The following HERC2 variants were observed in gnomAD, a reference collection of about 807,000 sequenced individuals.
HERC2 encodes E3 ubiquitin-protein ligase HERC2.
In HERC2, 102 loss-of-function variants were observed where a neutral mutation model predicts 537.7. The ratio of observed to expected loss-of-function variants is 0.19; its 90% CI spans 0.16 to 0.22. The LOEUF is 0.22. Among genes scored for constraint, HERC2 ranks in the 10% least tolerant of loss-of-function variants. The pLI, the probability that HERC2 is intolerant of heterozygous loss-of-function variation, is 1.00. For missense variants in HERC2, 4,236 were observed against 6,198.2 expected (o/e 0.68, Z 10.63); for synonymous variants, 2,224 against 2,466.2 (o/e 0.90, Z 2.91).
rs1335259160 is a variant in HERC2, at chr15:28,293,110, C to A, written c.188-88G>T. ...GCAAATGTCCCTCCCCGAAAAGTTA[C>A]AACACACATCATTAACTGAATGTTG... On this transcript the variant is annotated intron_variant, in intron 3 of 92. Coordinates refer to ENST00000261609, the MANE Select transcript of HERC2 (RefSeq NM_004667.6). 9.3e-6 allele frequency: 10 copies of A among 1,080,872 alleles called. 1 individual carries two copies. The Admixed American group carries it at 1.3e-4, about 15-fold the overall frequency. The allele number at this position is 1,080,872 out of a possible 1,614,324, so 67.0% of individuals were successfully genotyped here.
At chr15:28,219,653 C>G (rs1199073811) in intron 37 of HERC2, among the ~76,000 whole-genome samples, 1 of 152,182 alleles carries the variant, frequency 6.6e-6, no homozygotes, top group Non-Finnish European at 1.5e-5. Context: ...ATGGCATAGC[C>G]TCTTCCAGCC....
At chr15:28,173,436 T>G (rs908913487) in intron 65 of HERC2, among the ~76,000 whole-genome samples, 1 of 152,174 alleles carries the variant, frequency 6.6e-6, no homozygotes, top group African/African-American at 2.4e-5. Flanking sequence ...CTCAAAATTA[T>G]TATGCTGAGT....
chr15:28,209,436 C>T lies in HERC2; in HGVS notation c.7069+1566G>A, dbSNP rs375928997. ...TCGCCTCACTGCAAGCTCTGCCTCC[C>T]GAGTTCACACCATTCTCCTGCCTCA... On this transcript the variant is annotated intron_variant, in intron 44 of 92. Transcript: ENST00000261609. Among the ~76,000 whole-genome samples, 39 of 152,130 alleles carry T rather than the reference C, an allele frequency of 2.6e-4. 1 individual carries two copies. Among genetic ancestry groups the T allele is most frequent in the Middle Eastern group, 6.8e-3 (2 of 294 alleles).
chr15:28,316,406 A>C (rs1196653447), intron 2 of HERC2, among the ~76,000 whole-genome samples: 1 of 152,148 alleles, frequency 6.6e-6, no homozygotes, highest in Non-Finnish European at 1.5e-5. Flanking sequence ...TTGGGAGGCC[A>C]AGGCAGGAGG....
intron 14 of HERC2, among the ~76,000 whole-genome samples, chr15:28,263,618 T>C (rs1379141050): frequency 1.3e-5 from 2 of 152,228 alleles, no homozygotes; most frequent in Non-Finnish European, 2.9e-5. Context: ...AGCATAATTA[T>C]GTAAGTTGAT....
intron 55 of HERC2, 196 bp downstream of exon 55, chr15:28,190,769 T>C (rs1365571135): frequency 3.4e-6 from 2 of 582,386 alleles, no homozygotes; most frequent in Admixed American, 6.3e-5. Context: ...TTTGTTTCCT[T>C]TTCAAGCTGA....
At chr15:28,179,097 TGC>T (rs1287447149) in intron 58 of HERC2, 43 bp downstream of exon 58, 1 of 1,598,270 alleles carries the variant, frequency 6.3e-7, no homozygotes, top group African/African-American at 1.4e-5. Flanking sequence ...TGTTTTTTGG[TGC>T]CAAGCATAAT....
intron 2 of HERC2, among the ~76,000 whole-genome samples, chr15:28,318,856 G>A (rs1164701843): frequency 1.3e-5 from 2 of 150,334 alleles, no homozygotes; most frequent in African/African-American, 4.9e-5. Flanking sequence ...AACTTTTAAG[G>A]GCATTTCAAA....
chr15:28,166,981 T>C (rs1257883211), intron 68 of HERC2, among the ~76,000 whole-genome samples: 1 of 152,198 alleles, frequency 6.6e-6, no homozygotes, highest in Non-Finnish European at 1.5e-5. Context: ...GGGAAAGCTG[T>C]CTCTTGCAAA....
rs1038681167 is a variant in HERC2, at chr15:28,268,114, A to G, written c.1598+351T>C. Among the ~76,000 whole-genome samples, 2 of 152,236 alleles carry G rather than the reference A, an allele frequency of 1.3e-5. No individual in the cohort carries two copies. The highest frequency in any genetic ancestry group is 4.8e-5 in the African/African-American group (2 of 41,460). On this transcript the variant is annotated intron_variant, in intron 12 of 92. Transcript: ENST00000261609. This position sits in a 1 kb window ranked among gnomAD's most constrained non-coding sequence, Gnocchi z 4.7. ...TAATATATGGTTCAAGAAAAGGGTG[A>G]CAACCTTATCTATGAGAGACAGGGT...
chr15:28,211,879 T>G (rs1407689148), intron 43 of HERC2, among the ~76,000 whole-genome samples: 12 of 152,154 alleles, frequency 7.9e-5, no homozygotes, highest in Non-Finnish European at 1.5e-4. Context: ...GAATACGCCA[T>G]AGTTACGGGT....
chr15:28,186,213 T>C (rs960357187), intron 56 of HERC2, among the ~76,000 whole-genome samples: 1 of 152,100 alleles, frequency 6.6e-6, no homozygotes, highest in African/African-American at 2.4e-5. Flanking sequence ...AATGATAAAA[T>C]ACTTAACAAA....
chr15:28,249,575 T>C (rs1172093070), intron 20 of HERC2, among the ~76,000 whole-genome samples: 2 of 152,154 alleles, frequency 1.3e-5, no homozygotes, highest in African/African-American at 4.8e-5. Flanking sequence ...AATGTCAGGC[T>C]GTGGGACCAG....
chr15:28,219,898 G>C (rs1900339246), intron 37 of HERC2, among the ~76,000 whole-genome samples: 1 of 152,198 alleles, frequency 6.6e-6, no homozygotes, highest in African/African-American at 2.4e-5. Flanking sequence ...TCCACAGATA[G>C]GATCTAGCTT....
At chr15:28,145,842 G>A (rs1891676265) in intron 71 of HERC2, among the ~76,000 whole-genome samples, 1 of 152,194 alleles carries the variant, frequency 6.6e-6, no homozygotes, top group African/African-American at 2.4e-5. Flanking sequence ...ACATGTGGCT[G>A]CCTCCACCTA....
chr15:28,132,734 G>A lies in HERC2; in HGVS notation c.12327C>T (p.Ala4109=), dbSNP rs754699937. The A allele has an allele frequency of 1.6e-5, 26 of 1,608,444 alleles. No individual in the cohort carries two copies. The South Asian group carries it at 1.7e-4, about 10-fold the overall frequency. The part of the protein sequence containing the change: ...GGAHSACVTA[A]GDLYTWGKGR... ...CTTTGCCCCATGTGTAGAGGTCCCC[G>A]GCTGCTGTGACACAGGCGCTGTGGG... is the stretch of plus-strand genomic sequence containing the variant. Residue 4109 remains alanine (A), a synonymous_variant, in exon 80 of 93, where the codon GCC becomes GCT. Transcript: ENST00000261609.
intron 34 of HERC2, among the ~76,000 whole-genome samples, 157 bp from the exon 35 acceptor site, chr15:28,228,566 C>T (rs567668692): frequency 2.2e-4 from 33 of 152,182 alleles, no homozygotes; most frequent in South Asian, 6.3e-4. Context: ...GCAGAAAGCA[C>T]GGGCGATTAC....
rs760187120 is a variant in HERC2 at position 28,176,531 on chromosome 15, T to C, written c.9583A>G (p.Ile3195Val). The C allele has an allele frequency of 2.1e-5, 34 of 1,614,066 alleles. No homozygotes were observed. The highest frequency in any genetic ancestry group is 3.3e-4 in the Middle Eastern group (2 of 6,084). The change falls in exon 63 of 93, where the codon ATT (isoleucine) becomes GTT (valine). Residue 3195 changes from isoleucine (I) to valine (V), a missense_variant. Physicochemically the swap from Ile to Val is conservative, Grantham distance 29. Coordinates refer to ENST00000261609, the MANE Select transcript of HERC2 (RefSeq NM_004667.6). This position sits in a 1 kb window ranked among gnomAD's most constrained non-coding sequence, Gnocchi z 5.0. ...LGRGGSEGCNIPQNIERLNGQ... is the reference protein window; with the variant it reads ...LGRGGSEGCNVPQNIERLNGQ... The stretch of plus-strand genomic sequence containing the variant: ...TTTAGTCTCTCAATGTTCTGGGGAA[T>C]GTTACAGCCTTCACTTCCGCCCCGG...
At chr15:28,295,972 C>G (rs1233629690) in intron 3 of HERC2, among the ~76,000 whole-genome samples, 1 of 151,926 alleles carries the variant, frequency 6.6e-6, no homozygotes, top group African/African-American at 2.4e-5. Flanking sequence ...CACCCTACAT[C>G]TGGCTATAAA....
Sources: allele counts gnomAD v4.1 joint callset (sites outside exome capture counted in the v4.1 genomes callset), GRCh38; gene constraint gnomAD v4.1.1; non-coding constraint Gnocchi (gnomAD v3.1); transcripts MANE v1.5; gene names NCBI Gene and HGNC (gene_info 2026-07-23, HGNC 2026-07-21).